EXOC4: variants seen among roughly 807,000 people sequenced by gnomAD.
EXOC4 encodes exocyst complex component 4, also known as SEC8-like 1.
A neutral mutation model predicts 107.2 loss-of-function variants in EXOC4; 71 were observed. The observed-to-expected ratio is 0.66, with a 90% CI of 0.55 to 0.81. The LOEUF is 0.81. Ranked by LOEUF, EXOC4 falls within the 30% of genes least tolerant of loss-of-function variation. EXOC4 has a pLI of 0.00. For synonymous variants in EXOC4, 456 were observed against 441.2 expected, an observed-to-expected ratio of 1.03 and a Z score of -0.42; for missense variants, 1,108 against 1,189.6, an observed-to-expected ratio of 0.93 and a Z score of 1.01.
chr7:133,657,909 C>A (rs1803339837), intron 10 of EXOC4, among the ~76,000 whole-genome samples: 2 of 152,072 alleles, frequency 1.3e-5, no homozygotes, highest in African/African-American at 2.4e-5. Flanking sequence ...TCTGTACTAG[C>A]CAATAGGAAT....
chr7:133,936,846 G>A (rs1296134611), intron 13 of EXOC4, among the ~76,000 whole-genome samples: 2 of 152,062 alleles, frequency 1.3e-5, no homozygotes, highest in Non-Finnish European at 2.9e-5. Flanking sequence ...TTTTAGTAGA[G>A]ACGGGGTTTC....
At chr7:133,260,404 G>T (rs1185832620) in intron 1 of EXOC4, among the ~76,000 whole-genome samples, 1 of 151,946 alleles carries the variant, frequency 6.6e-6, no homozygotes, top group Admixed American at 6.5e-5. Context: ...CTCCTGAGTA[G>T]CTGGGATTAT....
At chr7:133,357,680 A>G (rs1796052122) in intron 6 of EXOC4, among the ~76,000 whole-genome samples, 1 of 152,208 alleles carries the variant, frequency 6.6e-6, no homozygotes, top group African/African-American at 2.4e-5. Context: ...AGGAGAAATA[A>G]TAACTCATTT....
intron 11 of EXOC4, among the ~76,000 whole-genome samples, chr7:133,856,944 C>T (rs1563029479): frequency 6.7e-6 from 1 of 149,814 alleles, no homozygotes; most frequent in African/African-American, 2.5e-5. Context: ...ACTAAAAATA[C>T]AAAAAAATTA....
chr7:134,092,892 CA>C, the EXOC4 span, among the ~76,000 whole-genome samples: 11 of 141,382 alleles, frequency 7.8e-5, no homozygotes, highest in South Asian at 4.4e-4. Context: ...CATTTTACTC[CA>C]GCCTGGGCGA....
chr7:133,293,027 C>A (rs893375297), intron 3 of EXOC4, among the ~76,000 whole-genome samples: 5 of 152,128 alleles, frequency 3.3e-5, no homozygotes, highest in African/African-American at 1.2e-4. Context: ...ATAACAATAG[C>A]TAATATGTAT....
At chr7:133,631,462 T>C (rs1284347194) in intron 10 of EXOC4, among the ~76,000 whole-genome samples, 1 of 152,036 alleles carries the variant, frequency 6.6e-6, no homozygotes, top group East Asian at 1.9e-4. Context: ...TAAATCGTAG[T>C]GGATTAGTTT....
intron 17 of EXOC4, among the ~76,000 whole-genome samples, chr7:134,020,932 G>A (rs1795014115): frequency 6.6e-6 from 1 of 151,674 alleles, no homozygotes; most frequent in Admixed American, 6.6e-5. Flanking sequence ...CTTGCAGTGA[G>A]CCGAGATTGC....
At chr7:133,940,276 G>A (rs1333817717) in intron 14 of EXOC4, among the ~76,000 whole-genome samples, 1 of 152,180 alleles carries the variant, frequency 6.6e-6, no homozygotes, top group Non-Finnish European at 1.5e-5. Context: ...TCTGAGTTAT[G>A]CTTAACTTTG....
At position 133,376,573 on chromosome 7, in the gene EXOC4, T is replaced by TCGTGAATA. The variant is rs374936454; in HGVS notation, c.1182+1573_1182+1580dup. ...CTTTACCTTCATCCCTGCATCTTCCTCGTGAATACTTTCCAAACTATTAGC... is the reference window on the plus strand; with the variant it reads ...CTTTACCTTCATCCCTGCATCTTCCTCGTGAATACGTGAATACTTTCCAAACTATTAGC... On this transcript the variant is annotated intron_variant, in intron 7 of 17. Transcript: ENST00000253861. Among the ~76,000 whole-genome samples the TCGTGAATA allele has an allele frequency of 1.1e-3, 171 of 152,348 alleles. 1 individual carries two copies. The highest frequency in any genetic ancestry group is 3.9e-3 in the African/African-American group (162 of 41,570).
chr7:134,060,740 G>A (rs1796037630), intron 17 of EXOC4, among the ~76,000 whole-genome samples: 1 of 152,176 alleles, frequency 6.6e-6, no homozygotes, highest in African/African-American at 2.4e-5. Context: ...CTGTTGCTGT[G>A]TCAGTTTAGT....
At chr7:134,086,949 G>A in the EXOC4 span, among the ~76,000 whole-genome samples, 23 of 152,258 alleles carry the variant, frequency 1.5e-4, no homozygotes, top group East Asian at 4.2e-3. Context: ...TGGGAGTGTA[G>A]CAGTGAGGAC....
In EXOC4 at chr7:133,365,888, C is replaced by T. The variant is rs546189296; in HGVS notation, c.1008-8940C>T. Among the ~76,000 whole-genome samples the T allele has an allele frequency of 1.1e-4, 17 of 152,258 alleles. No individual in the cohort carries two copies. The South Asian group carries it at 2.3e-3, about 20-fold the overall frequency. On this transcript the variant is annotated intron_variant, in intron 6 of 17. Transcript: ENST00000253861. Reference sequence around the variant, plus strand: ...TTATAAAGTTTTTATATAAAGTCTACGCTCTGAGTTCACTACTTTCTTACC... The same window carrying T: ...TTATAAAGTTTTTATATAAAGTCTATGCTCTGAGTTCACTACTTTCTTACC...
intron 14 of EXOC4, among the ~76,000 whole-genome samples, chr7:133,957,429 T>C (rs532101479): frequency 3.3e-5 from 5 of 152,326 alleles, no homozygotes; most frequent in Non-Finnish European, 5.9e-5. Context: ...TGAATAACTG[T>C]AGTCTTTAGT....
Position 133,475,456 on chromosome 7 carries a change from A to G in EXOC4, c.1311A>G (p.Pro437=). The G allele has an allele frequency of 6.2e-7, 1 of 1,613,798 alleles. No individual in the cohort carries two copies. The highest frequency in any genetic ancestry group is 8.5e-7 in the Non-Finnish European group (1 of 1,179,810). ...TTGCCAAGAAGAAACCTCAAAGGCC[A>G]AAAAATTCTCTTTTCAAGTAAGTAT... The part of the protein sequence containing the change: ...AFFAKKKPQR[P]KNSLFKFESS... Residue 437 remains proline, a synonymous_variant, in exon 8 of 18, where the codon CCA becomes CCG. Coordinates refer to ENST00000253861, the MANE Select transcript of EXOC4 (RefSeq NM_021807.4).
intron 5 of EXOC4, among the ~76,000 whole-genome samples, chr7:133,324,961 G>A (rs1795203394): frequency 6.6e-6 from 1 of 152,154 alleles, no homozygotes; most frequent in Non-Finnish European, 1.5e-5. Flanking sequence ...TTACCATTAT[G>A]TAATGGCCTT....
chr7:133,724,274 G>T (rs1795169551), intron 10 of EXOC4, among the ~76,000 whole-genome samples: 1 of 152,168 alleles, frequency 6.6e-6, no homozygotes, highest in South Asian at 2.1e-4. Flanking sequence ...CTCCAAAGGA[G>T]ACCTCAGTCA....
At position 133,307,276 on chromosome 7, in the gene EXOC4, C is replaced by T. The variant is rs1201413610; in HGVS notation, c.656+1215C>T. ...ACTAGAAAAACTTCTGCCAGGCACA[C>T]AGATTTGATATGTACCTGAGACATA... On this transcript the variant is annotated intron_variant, in intron 4 of 17. Coordinates refer to ENST00000253861, the MANE Select transcript of EXOC4 (RefSeq NM_021807.4). Among the ~76,000 whole-genome samples, 3 of 152,290 alleles carry T rather than the reference C, an allele frequency of 2.0e-5. No individual in the cohort carries two copies. In the South Asian group the frequency reaches 6.2e-4, roughly 32 times the overall value.
chr7:134,066,783 G>T (rs546021676), downstream of EXOC4, among the ~76,000 whole-genome samples: 1 of 152,218 alleles, frequency 6.6e-6, no homozygotes, highest in Admixed American at 6.5e-5. Context: ...CCAAGGACAG[G>T]GCCCACGAAA....
Sources: allele counts gnomAD v4.1 joint callset (sites outside exome capture counted in the v4.1 genomes callset), GRCh38; gene constraint gnomAD v4.1.1; transcripts MANE v1.5; gene names NCBI Gene and HGNC (gene_info 2026-07-23, HGNC 2026-07-21).